The following RPL13A variants were observed in gnomAD, a reference collection of about 807,000 sequenced individuals.
RPL13A encodes the protein large ribosomal subunit protein uL13.
A neutral mutation model predicts 30.8 loss-of-function variants in RPL13A; 4 were observed. The observed-to-expected ratio is 0.13, with a 90% CI of 0.06 to 0.30. The LOEUF (loss-of-function observed/expected upper bound fraction) is 0.30, where lower values mean the gene tolerates loss of function less well. Ranked by LOEUF, RPL13A falls within the 10% of genes least tolerant of loss-of-function variation. The pLI is 1.00. For missense variants in RPL13A, 196 were observed against 272.6 expected, an observed-to-expected ratio of 0.72 and a Z score of 1.98; for synonymous variants, 108 against 104.2, an observed-to-expected ratio of 1.04 and a Z score of -0.22.
Position 49,490,236 on chromosome 19 carries a change from G to T in RPL13A, c.93G>T (p.Arg31=), listed in dbSNP as rs1425657462. 1 of 1,614,142 alleles carries T rather than the reference G, an allele frequency of 6.2e-7. No homozygotes were observed. The highest frequency in any genetic ancestry group is 1.1e-5 in the South Asian group (1 of 91,076). The change falls in exon 3 of 8, where the codon CGG becomes CGT. Residue 31 remains arginine, a synonymous_variant. Coordinates refer to ENST00000391857, the MANE Select transcript of RPL13A (RefSeq NM_012423.4). ...AIVAKQVLLG[R]KVVVVRCEGI... is the part of the protein sequence containing the mutation. The stretch of plus-strand genomic sequence containing the variant: ...TAAGCCTTTCCCTCCCTCTAGGCCG[G>T]AAGGTGGTGGTCGTACGCTGTGAAG...
In RPL13A at chr19:49,490,735, C is replaced by G. The variant is rs550202670; in HGVS notation, c.257-44C>G. On this transcript the variant is annotated intron_variant, in intron 4 of 7. Coordinates refer to ENST00000391857, the MANE Select transcript of RPL13A (RefSeq NM_012423.4). ...CACCTCAGTGGGGTGGGTGGGCATC[C>G]TTATGAGGCCCTCTGACTGGGCCTG... 5.2e-5 allele frequency: 84 copies of G among 1,607,020 alleles called. No homozygotes were observed. The South Asian group carries it at 9.0e-4, about 17-fold the overall frequency.
chr19:49,490,627 G>T (rs753622989), intron 4 of RPL13A, 51 bp downstream of exon 4: 1 of 1,594,252 alleles, frequency 6.3e-7, no homozygotes, highest in South Asian at 1.1e-5. Flanking sequence ...GGCCGGTGAT[G>T]AGAACTTCTC....
chr19:49,489,916 C>G lies in RPL13A; in HGVS notation c.82C>G (p.Leu28Val), dbSNP rs1463970321. 3 of 1,613,398 alleles carry G rather than the reference C, an allele frequency of 1.9e-6. No individual in the cohort carries two copies. In the South Asian group the frequency reaches 3.3e-5, roughly 18 times the overall value. Residue 28 changes from leucine to valine, a missense_variant, in exon 2 of 8, where the codon CTG becomes GTG. Leu to Val is a conservative substitution (Grantham distance 32, BLOSUM62 1). Coordinates refer to ENST00000391857, the MANE Select transcript of RPL13A (RefSeq NM_012423.4). ...RLAAIVAKQVLLGRKVVVVRC... is the reference protein window; with the variant it reads ...RLAAIVAKQVVLGRKVVVVRC... ...GGCGGCCATCGTGGCTAAACAGGTA[C>G]TGCTGGGTAAGTCGCTGCTCGTGGC...
At chr19:49,490,637 C>G in intron 4 of RPL13A, 61 bp downstream of exon 4, 1 of 1,583,024 alleles carries the variant, frequency 6.3e-7, no homozygotes, top group South Asian at 1.1e-5. Flanking sequence ...GAGAACTTCT[C>G]CCACTCACAT....
intron 1 of RPL13A, 54 bp from the exon 2 acceptor site, chr19:49,489,796 G>T: frequency 7.3e-7 from 1 of 1,379,066 alleles, no homozygotes; most frequent in Non-Finnish European, 1.0e-6. Flanking sequence ...TTGCTTGTGA[G>T]GACAATCAAA....
intron 4 of RPL13A, 70 bp downstream of exon 4, chr19:49,490,646 A>G: frequency 1.3e-6 from 2 of 1,582,350 alleles, no homozygotes; most frequent in South Asian, 1.1e-5. Context: ...TCCCACTCAC[A>G]TTCGAGTTTC....
chr19:49,488,008 G>A (rs549866563), intron 1 of RPL13A, among the ~76,000 whole-genome samples: 2 of 152,138 alleles, frequency 1.3e-5, no homozygotes, highest in African/African-American at 4.8e-5. Context: ...CGGAAGTGTG[G>A]CCGGGCGGTC....
chr19:49,490,008 C>T (rs779017512), intron 2 of RPL13A, 86 bp downstream of exon 2: 46 of 1,198,418 alleles, frequency 3.8e-5, no homozygotes, highest in Non-Finnish European at 5.7e-5. Context: ...GTTTGAGTCT[C>T]ACGGCCATGA....
chr19:49,489,891 G>A lies in RPL13A; in HGVS notation c.57G>A (p.Leu19=). The part of the protein sequence containing the change: ...LDGRGHLLGR[L]AAIVAKQVLL... ...GTCGAGGCCATCTCCTGGGCCGCCTGGCGGCCATCGTGGCTAAACAGGTAC... is the reference window on the plus strand; with the variant it reads ...GTCGAGGCCATCTCCTGGGCCGCCTAGCGGCCATCGTGGCTAAACAGGTAC... The change falls in exon 2 of 8, where the codon CTG becomes CTA. Residue 19 remains leucine, a synonymous_variant. Coordinates refer to ENST00000391857, the MANE Select transcript of RPL13A (RefSeq NM_012423.4). The A allele has an allele frequency of 2.5e-6, 4 of 1,614,206 alleles. No individual in the cohort carries two copies. The highest frequency in any genetic ancestry group is 3.4e-6 in the Non-Finnish European group (4 of 1,180,002).
rs1445684007 is a variant in RPL13A at position 49,491,108 on chromosome 19, C to T, written c.402+9C>T. 6.2e-7 allele frequency: 1 copy of T among 1,614,088 alleles called. No individual in the cohort carries two copies. The highest frequency in any genetic ancestry group is 8.5e-7 in the Non-Finnish European group (1 of 1,180,002). ...TGAAGCCTACAAGAAAGGTGAGTCC[C>T]AGCTTACGCTGCACCATCTACTTGG... is the stretch of plus-strand genomic sequence containing the variant. On this transcript the variant is annotated intron_variant, in intron 6 of 7. Coordinates refer to ENST00000391857, the MANE Select transcript of RPL13A (RefSeq NM_012423.4).
chr19:49,490,048 G>A, intron 2 of RPL13A, 126 bp downstream of exon 2: 1 of 1,002,096 alleles, frequency 1.0e-6, no homozygotes, highest in Non-Finnish European at 1.6e-6. Context: ...TCTGAGACCT[G>A]CCAGCCACTC....
intron 1 of RPL13A, among the ~76,000 whole-genome samples, chr19:49,489,332 CAA>C (rs918728318): frequency 6.8e-6 from 1 of 147,120 alleles, no homozygotes; most frequent in African/African-American, 2.5e-5. Flanking sequence ...CCTGACTCAA[CAA>C]AAAAAAAAGT....
chr19:49,489,582 A>T (rs1359705370), intron 1 of RPL13A, among the ~76,000 whole-genome samples: 1 of 152,220 alleles, frequency 6.6e-6, no homozygotes, highest in African/African-American at 2.4e-5. Flanking sequence ...GCAAAATACA[A>T]TCTGAGCATA....
intron 7 of RPL13A, 39 bp downstream of exon 7, chr19:49,491,586 C>T (rs1452063168): frequency 6.4e-7 from 1 of 1,554,076 alleles, no homozygotes; most frequent in Admixed American, 1.9e-5. Context: ...GCATCTCACT[C>T]CTGGACAGGC....
Position 49,492,055 on chromosome 19 carries a change from G to C in RPL13A, c.*240G>C. 1 of 483,744 alleles carries C rather than the reference G, an allele frequency of 2.1e-6. No homozygotes were observed. The highest frequency in any genetic ancestry group is 3.8e-6 in the Non-Finnish European group (1 of 266,056). The allele number at this position is 483,744 out of a possible 1,614,324, so 30.0% of individuals were successfully genotyped here. On this transcript the variant is annotated 3_prime_UTR_variant, in exon 8 of 8. Transcript: ENST00000391857. ...TAGGAAGAGCAACCAGTTACTATGA[G>C]TGAAAGGGAGCCAGAAGACTGATTG...
chr19:49,491,617 A>C, intron 7 of RPL13A, 70 bp downstream of exon 7: 1 of 1,559,478 alleles, frequency 6.4e-7, no homozygotes, highest in African/African-American at 1.4e-5. Flanking sequence ...CCTTGCTCAC[A>C]GAGTACTCTT....
chr19:49,491,402 A>ACCCTCCCCCC, intron 6 of RPL13A, 23 bp from the exon 7 acceptor site: 2 of 236,630 alleles, frequency 8.5e-6, no homozygotes, highest in South Asian at 3.5e-5. Context: ...TCATTTGTTC[A>ACCCTCCCCCC]CCCCCCCCCC....
chr19:49,490,190 CCTCAGGCGG>C (rs1475022771), intron 2 of RPL13A, 33 bp from the exon 3 acceptor site: 3 of 1,595,392 alleles, frequency 1.9e-6, no homozygotes, highest in African/African-American at 2.7e-5. Context: ...GTGGTGGGAC[CCTCAGGCGG>C]CTCGGCCCTG....
At chr19:49,488,801 G>A (rs1417126761) in intron 1 of RPL13A, among the ~76,000 whole-genome samples, 1 of 152,142 alleles carries the variant, frequency 6.6e-6, no homozygotes, top group Non-Finnish European at 1.5e-5. Context: ...TGCTTCCCAA[G>A]TTCAAGTGAT....
Sources: allele counts gnomAD v4.1 joint callset (sites outside exome capture counted in the v4.1 genomes callset), GRCh38; gene constraint gnomAD v4.1.1; transcripts MANE v1.5; gene names NCBI Gene and HGNC (gene_info 2026-07-23, HGNC 2026-07-21).